Variants in SLC35F3 observed in about 807,000 individuals in gnomAD.
SLC35F3 encodes the protein putative thiamine transporter SLC35F3.
SLC35F3 carries 25 observed loss-of-function variants against 49.9 expected under a neutral mutation model. That is an observed-to-expected ratio of 0.50 (90% confidence interval 0.37 to 0.70). The LOEUF (loss-of-function observed/expected upper bound fraction) is 0.70, where lower values mean the gene tolerates loss of function less well. SLC35F3 is among the 30% of genes least tolerant of loss of function. The probability of loss-of-function intolerance (pLI) is 0.00; values close to 1 mark genes in which losing one functional copy is unlikely to be tolerated. For missense variants in SLC35F3, 525 were observed against 639.8 expected, an observed-to-expected ratio of 0.82 and a Z score of 1.94; for synonymous variants, 275 against 265.4, an observed-to-expected ratio of 1.04 and a Z score of -0.35.
chr1:234,209,706 G>C (rs768941207), intron 2 of SLC35F3, among the ~76,000 whole-genome samples: 2 of 151,942 alleles, frequency 1.3e-5, no homozygotes, highest in Non-Finnish European at 2.9e-5. Context: ...AATAGAAACA[G>C]CATGGAGTGC....
At chr1:234,318,617 C>T (rs1231318150) in intron 5 of SLC35F3, 134 bp from the exon 6 acceptor site, 12 of 725,540 alleles carry the variant, frequency 1.7e-5, no homozygotes, top group African/African-American at 3.5e-5. Context: ...GGCCAAACCC[C>T]ATGGAATTCA....
rs955340575 is a variant in SLC35F3, at chr1:234,214,461, C to G, written c.284-16956C>G. 19 of 1,515,442 alleles carry G rather than the reference C, an allele frequency of 1.3e-5. No homozygotes were observed. Among genetic ancestry groups the G allele is most frequent in the Non-Finnish European group, 1.6e-5 (18 of 1,132,040 alleles). 93.9% of individuals were successfully genotyped at this position (1,515,442 alleles called of 1,614,324 possible). A position where few individuals can be genotyped will look rare whatever the true frequency, so the allele number is the denominator to read the frequency against. ...GCTCCAGCCGGCCCCAGGATGTAGG[C>G]GATCGGCGGCAGCGCTCCTGCAGGC... is the stretch of plus-strand genomic sequence containing the variant. On this transcript the variant is annotated intron_variant, in intron 2 of 7. Transcript: ENST00000366618. The surrounding 1 kb of genome is among the most constrained non-coding windows in gnomAD (Gnocchi z 8.0).
intron 2 of SLC35F3, among the ~76,000 whole-genome samples, chr1:234,186,962 G>A (rs1360964673): frequency 6.6e-6 from 1 of 152,112 alleles, no homozygotes; most frequent in African/African-American, 2.4e-5. Flanking sequence ...TCTGCATCCT[G>A]TGTCTCTCTC....
intron 2 of SLC35F3, among the ~76,000 whole-genome samples, chr1:234,016,309 A>C (rs1043064600): frequency 1.3e-5 from 2 of 152,228 alleles, no homozygotes; most frequent in Non-Finnish European, 2.9e-5. Context: ...TAAGGATTTG[A>C]AACCAGTATG....
chr1:234,190,801 C>G (rs1666718643), intron 2 of SLC35F3, among the ~76,000 whole-genome samples: 3 of 152,206 alleles, frequency 2.0e-5, no homozygotes, highest in African/African-American at 7.2e-5. Flanking sequence ...GCCACAGCTA[C>G]TACTTGAGAC....
chr1:234,256,447 A>T (rs1442492239), intron 3 of SLC35F3, among the ~76,000 whole-genome samples: 1 of 152,170 alleles, frequency 6.6e-6, no homozygotes, highest in Non-Finnish European at 1.5e-5. Context: ...CTCCTTTGCT[A>T]ACTGTCGTTA....
At chr1:234,020,501 T>G (rs534951808) in intron 2 of SLC35F3, among the ~76,000 whole-genome samples, 70 of 152,282 alleles carry the variant, frequency 4.6e-4, no homozygotes, top group African/African-American at 1.6e-3. Flanking sequence ...CTTCTTCCTC[T>G]CTGTCCCTCC....
At chr1:234,250,306 C>G (rs554233170) in intron 3 of SLC35F3, among the ~76,000 whole-genome samples, 2 of 152,314 alleles carry the variant, frequency 1.3e-5, no homozygotes, top group South Asian at 4.1e-4. Context: ...CCCCTGTCTT[C>G]GCCTGTTTGT....
chr1:234,316,604 T>G lies in SLC35F3; in HGVS notation c.831T>G (p.Ile277Met). 6.2e-7 allele frequency: 1 copy of G among 1,607,944 alleles called. No individual in the cohort carries two copies. Among genetic ancestry groups the G allele is most frequent in the Non-Finnish European group, 8.5e-7 (1 of 1,174,934 alleles). The part of the protein sequence containing the change: ...VLRDRFMGVR[I>M]VAAILAIAGI... Reference sequence around the variant, plus strand: ...AGCATTTTCTTCCGTCTGTCCAGATTGTGGCCGCCATCCTCGCCATCGCTG... The same window carrying G: ...AGCATTTTCTTCCGTCTGTCCAGATGGTGGCCGCCATCCTCGCCATCGCTG... The change falls in exon 5 of 8, where the codon ATT (isoleucine) becomes ATG (methionine). Residue 277 changes from isoleucine to methionine, a missense_variant and splice_region_variant. Physicochemically the swap from Ile to Met is conservative, Grantham distance 10. Around this residue, in one of 4 missense-constraint regions of SLC35F3, gnomAD observed 216 missense variants for 298.1 expected, o/e 0.72. Coordinates refer to ENST00000366618, the MANE Select transcript of SLC35F3 (RefSeq NM_173508.4).
At chr1:234,057,412 T>A (rs1350570857) in intron 2 of SLC35F3, among the ~76,000 whole-genome samples, 2 of 152,210 alleles carry the variant, frequency 1.3e-5, no homozygotes, top group Non-Finnish European at 2.9e-5. Context: ...TTATTTTTTA[T>A]GCTATTGTAA....
intron 2 of SLC35F3, among the ~76,000 whole-genome samples, chr1:234,174,218 A>T (rs1666443290): frequency 6.6e-6 from 1 of 152,210 alleles, no homozygotes; most frequent in Admixed American, 6.5e-5. Flanking sequence ...GAAGGGAGGC[A>T]CCAGAGCACC....
At chr1:234,086,447 C>T (rs1288039935) in intron 2 of SLC35F3, among the ~76,000 whole-genome samples, 1 of 152,166 alleles carries the variant, frequency 6.6e-6, no homozygotes, top group Non-Finnish European at 1.5e-5. Context: ...TTTAGTGGAA[C>T]ATGTCTGTAT....
chr1:234,103,392 G>A (rs1665240675), intron 2 of SLC35F3, among the ~76,000 whole-genome samples: 2 of 152,254 alleles, frequency 1.3e-5, no homozygotes, highest in African/African-American at 4.8e-5. Context: ...GGGTCCCAGG[G>A]TGGGTGGGGA....
chr1:234,202,733 CCTGT>C (rs970791929), intron 2 of SLC35F3, among the ~76,000 whole-genome samples: 13 of 152,208 alleles, frequency 8.5e-5, no homozygotes, highest in Non-Finnish European at 1.8e-4. Context: ...GGCCTGTGCA[CCTGT>C]CTAAGACAGA....
chr1:233,960,721 T>G (rs1363124566), intron 2 of SLC35F3, among the ~76,000 whole-genome samples: 1 of 152,184 alleles, frequency 6.6e-6, no homozygotes, highest in African/African-American at 2.4e-5. Context: ...GAAGATGGGT[T>G]TAGGAGAATG....
chr1:234,126,358 A>T (rs564879181), intron 2 of SLC35F3, among the ~76,000 whole-genome samples: 2 of 152,342 alleles, frequency 1.3e-5, no homozygotes, highest in Admixed American at 1.3e-4. Context: ...GGTAATACAG[A>T]GAGATCTCAG....
chr1:234,254,562 T>G (rs778487831), intron 3 of SLC35F3, among the ~76,000 whole-genome samples: 2 of 152,202 alleles, frequency 1.3e-5, no homozygotes, highest in Non-Finnish European at 2.9e-5. Context: ...TTAGCCACTT[T>G]AAAAAATCTT....
At chr1:234,099,863 G>C (rs1023523773) in intron 2 of SLC35F3, among the ~76,000 whole-genome samples, 3 of 152,166 alleles carry the variant, frequency 2.0e-5, no homozygotes, top group Non-Finnish European at 4.4e-5. Context: ...GAGTTGATGT[G>C]AGTTTGATAT....
chr1:234,135,231 A>T (rs1331533632), intron 2 of SLC35F3, among the ~76,000 whole-genome samples: 2 of 152,218 alleles, frequency 1.3e-5, no homozygotes, highest in Non-Finnish European at 2.9e-5. Flanking sequence ...AGAGTGAATG[A>T]TTAGTAGCAC....
Sources: allele counts gnomAD v4.1 joint callset (sites outside exome capture counted in the v4.1 genomes callset), GRCh38; gene constraint gnomAD v4.1.1; regional missense constraint gnomAD v4.1.1; non-coding constraint Gnocchi (gnomAD v3.1); transcripts MANE v1.5; gene names NCBI Gene and HGNC (gene_info 2026-07-23, HGNC 2026-07-21).